The following TMEM151B variants were observed in gnomAD, a reference collection of about 807,000 sequenced individuals.
The protein encoded by TMEM151B is transmembrane protein 151B, also known as transmembrane protein 193.
TMEM151B carries 18 observed loss-of-function variants against 33.0 expected under a neutral mutation model. That is an observed-to-expected ratio of 0.55 (90% confidence interval 0.38 to 0.81). The LOEUF (loss-of-function observed/expected upper bound fraction) is 0.81, where lower values mean the gene tolerates loss of function less well. Among genes scored for constraint, TMEM151B ranks in the 30% least tolerant of loss-of-function variants. The pLI is 0.00. For synonymous variants in TMEM151B, 354 were observed against 373.6 expected (o/e 0.95, Z 0.61); for missense variants, 672 against 843.4 (o/e 0.80, Z 2.52).
In TMEM151B at chr6:44,276,458, G is replaced by A; in HGVS notation, c.1632G>A (p.Gln544=). Reference sequence around the variant, plus strand: ...TTCCGGTCCTCATCGTCCACCGGCAGGAGGGGTGTCTGGGCCACAGCCACC... The same window carrying A: ...TTCCGGTCCTCATCGTCCACCGGCAAGAGGGGTGTCTGGGCCACAGCCACC... ...LYFPVLIVHR[Q]EGCLGHSHRP... is the part of the protein sequence containing the mutation. Residue 544 remains glutamine, a synonymous_variant, in exon 3 of 3, where the codon CAG becomes CAA. Transcript: ENST00000451188. The A allele has an allele frequency of 6.7e-7, 1 of 1,487,294 alleles. No homozygotes were observed. Among genetic ancestry groups the A allele is most frequent in the East Asian group, 2.7e-5 (1 of 36,560 alleles). The allele number at this position is 1,487,294 out of a possible 1,614,324, so 92.1% of individuals were successfully genotyped here.
intron 2 of TMEM151B, among the ~76,000 whole-genome samples, chr6:44,274,082 G>A (rs1002444827): frequency 2.0e-5 from 3 of 152,054 alleles, no homozygotes; most frequent in African/African-American, 7.2e-5. Context: ...TGGTGTGGTG[G>A]TATGCACCTG....
intron 2 of TMEM151B, 109 bp from the exon 3 acceptor site, chr6:44,275,294 G>A (rs1263022334): frequency 6.3e-6 from 9 of 1,430,356 alleles, no homozygotes; most frequent in Non-Finnish European, 8.2e-6. Flanking sequence ...CAGACTTAGG[G>A]TCCGACCAGG....
Position 44,273,347 on chromosome 6 carries a change from G to A in TMEM151B, c.417G>A (p.Glu139=). 1 of 1,551,690 alleles carries A rather than the reference G, an allele frequency of 6.4e-7. No homozygotes were observed. Among genetic ancestry groups the A allele is most frequent in the Non-Finnish European group, 8.7e-7 (1 of 1,147,004 alleles). Residue 139 remains glutamate, a synonymous_variant, in exon 2 of 3, where the codon GAG becomes GAA. Coordinates refer to ENST00000451188, the MANE Select transcript of TMEM151B (RefSeq NM_001137560.2). ...GTTGGCACTGCCAAGCCCGCCATGA[G>A]CTGCAGCACCGTGTTGATGTGAGCA... is the stretch of plus-strand genomic sequence containing the variant. ...VECWHCQARH[E]LQHRVDVSSV...
In TMEM151B at chr6:44,275,879, C is replaced by G; in HGVS notation, c.1053C>G (p.Ser351Arg). 1 of 1,538,332 alleles carries G rather than the reference C, an allele frequency of 6.5e-7. No homozygotes were observed. Among genetic ancestry groups the G allele is most frequent in the African/African-American group, 1.4e-5 (1 of 72,918 alleles). The change falls in exon 3 of 3, where the codon AGC (serine) becomes AGG (arginine). Residue 351 changes from serine to arginine, a missense_variant. Ser to Arg is a moderately radical substitution (Grantham distance 110). Coordinates refer to ENST00000451188, the MANE Select transcript of TMEM151B (RefSeq NM_001137560.2). The part of the protein sequence containing the change: ...ASSAGGGLSP[S>R]DELLPPLTHR... Reference sequence around the variant, plus strand: ...GCGCAGGCGGTGGCCTCAGCCCCAGCGATGAGCTGCTGCCCCCGCTCACCC... The same window carrying G: ...GCGCAGGCGGTGGCCTCAGCCCCAGGGATGAGCTGCTGCCCCCGCTCACCC...
chr6:44,272,310 C>A (rs1372211398), intron 1 of TMEM151B, among the ~76,000 whole-genome samples: 2 of 152,150 alleles, frequency 1.3e-5, no homozygotes, highest in African/African-American at 4.8e-5. Flanking sequence ...CTGCCTGCCG[C>A]TCAGGGACCC....
chr6:44,279,280 T>A lies in TMEM151B; in HGVS notation c.*2753T>A, dbSNP rs1236446696. 6.6e-6 allele frequency: 1 copy of A among 152,366 alleles called. No homozygotes were observed. Among genetic ancestry groups the A allele is most frequent in the East Asian group, 1.9e-4 (1 of 5,208 alleles). 9.4% of individuals were successfully genotyped at this position (152,366 alleles called of 1,614,324 possible). A position where few individuals can be genotyped will look rare whatever the true frequency, so the allele number is the denominator to read the frequency against. ...CATGTAGGGCACCTGGAAGGCTCCA[T>A]GTGTCCTGGGGACAAGGGCTTGTGG... On this transcript the variant is annotated 3_prime_UTR_variant, in exon 3 of 3. Transcript: ENST00000451188.
Position 44,273,393 on chromosome 6 carries a change from C to T in TMEM151B, c.463C>T (p.Arg155Cys), listed in dbSNP as rs1001578906. The change falls in exon 2 of 3, where the codon CGC (arginine) becomes TGC (cysteine). Residue 155 changes from arginine (R) to cysteine (C), a missense_variant. By Grantham distance (180) the Arg-to-Cys change is radical. Transcript: ENST00000451188. ...GAGCAGTGTGCGGGAACGTGTGGGC[C>T]GCATGCAGCAAGCCACGCCCTGCAT... ...DVSSVRERVG[R>C]MQQATPCIWW... 5.8e-6 allele frequency: 9 copies of T among 1,551,174 alleles called. No homozygotes were observed. Among genetic ancestry groups the T allele is most frequent in the African/African-American group, 5.5e-5 (4 of 73,070 alleles).
intron 1 of TMEM151B, among the ~76,000 whole-genome samples, chr6:44,272,727 C>A (rs1203170678): frequency 6.6e-6 from 1 of 152,146 alleles, no homozygotes; most frequent in African/African-American, 2.4e-5. Context: ...TTCGGATGCT[C>A]TCTGGGTACC....
At position 44,278,066 on chromosome 6, in the gene TMEM151B, C is replaced by T. The variant is rs1043154064; in HGVS notation, c.*1539C>T. The T allele has an allele frequency of 1.9e-5, 3 of 154,612 alleles. No homozygotes were observed. The South Asian group carries it at 6.2e-4, about 32-fold the overall frequency. 9.6% of individuals were successfully genotyped at this position (154,612 alleles called of 1,614,324 possible). Reference sequence around the variant, plus strand: ...TTACTTCGCCTGAGCCATCAGAACTCCTCCTTACCCTCCTTCAGCCCCTCT... The same window carrying T: ...TTACTTCGCCTGAGCCATCAGAACTTCTCCTTACCCTCCTTCAGCCCCTCT... On this transcript the variant is annotated 3_prime_UTR_variant, in exon 3 of 3. Coordinates refer to ENST00000451188, the MANE Select transcript of TMEM151B (RefSeq NM_001137560.2).
chr6:44,272,888 C>T (rs1782422383), intron 1 of TMEM151B, among the ~76,000 whole-genome samples, 178 bp from the exon 2 acceptor site: 1 of 152,122 alleles, frequency 6.6e-6, no homozygotes, highest in Non-Finnish European at 1.5e-5. Context: ...TCTGTTTCTA[C>T]CTCTGGCCCC....
rs1004078967 is a variant in TMEM151B at position 44,275,393 on chromosome 6, C to G, written c.577-10C>G. Reference sequence around the variant, plus strand: ...CCCCGCGACCCCGCCGCCTGCCCCCCGCGCCGCAGGTCTACCACGAACGCG... The same window carrying G: ...CCCCGCGACCCCGCCGCCTGCCCCCGGCGCCGCAGGTCTACCACGAACGCG... On this transcript the variant is annotated splice_polypyrimidine_tract_variant and intron_variant, in intron 2 of 2. Coordinates refer to ENST00000451188, the MANE Select transcript of TMEM151B (RefSeq NM_001137560.2). 1.3e-6 allele frequency: 2 copies of G among 1,487,218 alleles called. No homozygotes were observed. Among genetic ancestry groups the G allele is most frequent in the Non-Finnish European group, 1.8e-6 (2 of 1,115,470 alleles). 92.1% of individuals were successfully genotyped at this position (1,487,218 alleles called of 1,614,324 possible).
Position 44,270,755 on chromosome 6 carries a change from GGC to G in TMEM151B, c.14_15del (p.Gly5ValfsTer55). The stretch of plus-strand genomic sequence containing the variant: ...CCCCCTCTACGCCATGTCCCCCCCT[GGC>G]TCGGCCGCGGGAGAGAGCGCCGCCG... The part of the protein sequence containing the change: MSPP[G>X]SAAGESAAGG... On this transcript the variant is annotated frameshift_variant, in exon 1 of 3. Coordinates refer to ENST00000451188, the MANE Select transcript of TMEM151B (RefSeq NM_001137560.2). LOFTEE classifies it high-confidence loss of function. 9.0e-6 allele frequency: 10 copies of G among 1,114,240 alleles called. No individual in the cohort carries two copies. Among genetic ancestry groups the G allele is most frequent in the Non-Finnish European group, 1.1e-5 (10 of 909,000 alleles). 69.0% of individuals were successfully genotyped at this position (1,114,240 alleles called of 1,614,324 possible).
chr6:44,273,300 T>C lies in TMEM151B; in HGVS notation c.370T>C (p.Tyr124His). The C allele has an allele frequency of 6.4e-7, 1 of 1,551,744 alleles. No individual in the cohort carries two copies. The highest frequency in any genetic ancestry group is 8.7e-7 in the Non-Finnish European group (1 of 1,147,024). Residue 124 changes from tyrosine (Y) to histidine (H), a missense_variant, in exon 2 of 3, where the codon TAC (tyrosine) becomes CAC (histidine). Coordinates refer to ENST00000451188, the MANE Select transcript of TMEM151B (RefSeq NM_001137560.2). ...CCCCCTGGCCTTCCTGCTCATGTTG[T>C]ACGCCGTCTACCTGGTGGAGTGTTG... ...YIPLAFLLML[Y>H]AVYLVECWHC...
chr6:44,275,922 A>G lies in TMEM151B; in HGVS notation c.1096A>G (p.Asn366Asp), dbSNP rs1782567067. The G allele has an allele frequency of 6.6e-7, 1 of 1,522,332 alleles. No homozygotes were observed. The allele number at this position is 1,522,332 out of a possible 1,614,324, so 94.3% of individuals were successfully genotyped here. The change falls in exon 3 of 3, where the codon AAC becomes GAC. Residue 366 changes from asparagine to aspartate, a missense_variant. Asn to Asp is a conservative substitution (Grantham distance 23, BLOSUM62 1). Around this residue, in one of 3 missense-constraint regions of TMEM151B, gnomAD observed 324 missense variants for 363.1 expected, o/e 0.89. Coordinates refer to ENST00000451188, the MANE Select transcript of TMEM151B (RefSeq NM_001137560.2). ...PPLTHRLPRV[N>D]TVDSTELEWH... ...GCTCACCCACCGCCTGCCGCGGGTCAACACAGTAGACAGCACGGAGCTCGA... is the reference window on the plus strand; with the variant it reads ...GCTCACCCACCGCCTGCCGCGGGTCGACACAGTAGACAGCACGGAGCTCGA...
chr6:44,276,632 G>C lies in TMEM151B; in HGVS notation c.*105G>C. 7.8e-7 allele frequency: 1 copy of C among 1,287,942 alleles called. No homozygotes were observed. Among genetic ancestry groups the C allele is most frequent in the African/African-American group, 1.5e-5 (1 of 64,818 alleles). 79.8% of individuals were successfully genotyped at this position (1,287,942 alleles called of 1,614,324 possible). A position where few individuals can be genotyped will look rare whatever the true frequency, so the allele number is the denominator to read the frequency against. On this transcript the variant is annotated 3_prime_UTR_variant, in exon 3 of 3. Transcript: ENST00000451188. ...TCACCACGGTGACTGAGGCCGCGCG[G>C]GGGGCAGGGAAAGGGAGGTGAGGGC...
At chr6:44,275,379 C>T (rs1012626543) in intron 2 of TMEM151B, 24 bp from the exon 3 acceptor site, 7 of 1,474,536 alleles carry the variant, frequency 4.7e-6, no homozygotes, top group African/African-American at 1.4e-5. Flanking sequence ...CCCGCGACCC[C>T]GCCGCCTGCC....
rs2153338448 is a variant in TMEM151B, at chr6:44,276,270, T to C, written c.1444T>C (p.Ser482Pro). ...SRFSLGRLYGSRRSCLWRSRS... is the reference protein window; with the variant it reads ...SRFSLGRLYGPRRSCLWRSRS... The stretch of plus-strand genomic sequence containing the variant: ...CTTCTCGCTGGGCCGTCTCTACGGC[T>C]CCCGGCGCAGCTGCCTGTGGCGCAG... The change falls in exon 3 of 3, where the codon TCC becomes CCC. Residue 482 changes from serine (S) to proline (P), a missense_variant. Ser to Pro is a moderately conservative substitution (Grantham distance 74). Transcript: ENST00000451188. The C allele has an allele frequency of 7.4e-7, 1 of 1,360,202 alleles. No individual in the cohort carries two copies. The highest frequency in any genetic ancestry group is 1.7e-5 in the South Asian group (1 of 57,704). 84.3% of individuals were successfully genotyped at this position (1,360,202 alleles called of 1,614,324 possible).
chr6:44,272,982 C>T, intron 1 of TMEM151B, 84 bp from the exon 2 acceptor site: 5 of 1,199,216 alleles, frequency 4.2e-6, no homozygotes, highest in Non-Finnish European at 2.3e-6. Context: ...TCTGCCCCTC[C>T]ATCCCCGTAT....
At position 44,276,398 on chromosome 6, in the gene TMEM151B, C is replaced by A; in HGVS notation, c.1572C>A (p.Ala524=). The A allele has an allele frequency of 6.6e-7, 1 of 1,515,208 alleles. No homozygotes were observed. Among genetic ancestry groups the A allele is most frequent in the Non-Finnish European group, 8.8e-7 (1 of 1,137,172 alleles). The allele number at this position is 1,515,208 out of a possible 1,614,324, so 93.9% of individuals were successfully genotyped here. ...ACGAGGACGACGACGAGGAGGAGGC[C>A]GGGCCGCCGCCGCCCTACCACGACG... is the stretch of plus-strand genomic sequence containing the variant. ...GDDEDDDEEE[A]GPPPPYHDAL... is the part of the protein sequence containing the mutation. Residue 524 remains alanine (A), a synonymous_variant, in exon 3 of 3, where the codon GCC becomes GCA. Coordinates refer to ENST00000451188, the MANE Select transcript of TMEM151B (RefSeq NM_001137560.2).
Sources: allele counts gnomAD v4.1 joint callset (sites outside exome capture counted in the v4.1 genomes callset), GRCh38; gene constraint gnomAD v4.1.1; regional missense constraint gnomAD v4.1.1; transcripts MANE v1.5; gene names NCBI Gene and HGNC (gene_info 2026-07-23, HGNC 2026-07-21).